Variants in NOSIP observed in about 807,000 individuals in gnomAD.
NOSIP encodes nitric oxide synthase interacting protein, also known as nitric oxide synthase-interacting protein.
NOSIP carries 25 observed loss-of-function variants against 36.4 expected under a neutral mutation model. That is an observed-to-expected ratio of 0.69 (90% CI 0.50 to 0.96). The LOEUF is 0.96. Ranked by LOEUF, NOSIP falls within the 40% of genes least tolerant of loss-of-function variation. The pLI is 0.00. For missense variants in NOSIP, 370 were observed against 429.0 expected (o/e 0.86, Z 1.21); for synonymous variants, 187 against 179.2 (o/e 1.04, Z -0.35).
chr19:49,557,232 C>T lies in NOSIP; in HGVS notation c.276G>A (p.Arg92=). Residue 92 remains arginine (R), a synonymous_variant, in exon 5 of 9, where the codon CGG becomes CGA. Transcript: ENST00000596358. ...ARQMKAYEKQ[R]GTRREEQKEL... is the part of the protein sequence containing the mutation. Reference sequence around the variant, plus strand: ...CCTTCTGCTCCTCGCGCCGGGTGCCCCGCTGCTTCTCGTAGGCCTGCGTCG... The same window carrying T: ...CCTTCTGCTCCTCGCGCCGGGTGCCTCGCTGCTTCTCGTAGGCCTGCGTCG... The T allele has an allele frequency of 6.3e-7, 1 of 1,591,702 alleles. No individual in the cohort carries two copies. Among genetic ancestry groups the T allele is most frequent in the Non-Finnish European group, 8.5e-7 (1 of 1,169,990 alleles).
At chr19:49,573,904 G>T (rs1327550529) in intron 1 of NOSIP, among the ~76,000 whole-genome samples, 1 of 149,502 alleles carries the variant, frequency 6.7e-6, no homozygotes, top group East Asian at 1.9e-4. Flanking sequence ...CTGTCACCCG[G>T]ACTGGAGTGC....
rs768200508 is a variant in NOSIP, at chr19:49,556,991, C to G, written c.421G>C (p.Asp141His). 1.2e-6 allele frequency: 2 copies of G among 1,606,844 alleles called. No homozygotes were observed. The highest frequency in any genetic ancestry group is 2.2e-5 in the South Asian group (2 of 90,166). Reference protein sequence around the residue: ...AKALSGTSPDDVQPGPSVGPP... With the variant: ...AKALSGTSPDHVQPGPSVGPP... ...CCCACACTGGGCCCAGGTTGGACATCATCTGTGGGGGAAGGAAGGGACTCA... is the reference window on the plus strand; with the variant it reads ...CCCACACTGGGCCCAGGTTGGACATGATCTGTGGGGGAAGGAAGGGACTCA... Residue 141 changes from aspartate to histidine, a missense_variant and splice_region_variant, in exon 6 of 9, where the codon GAT becomes CAT. By Grantham distance (81) the Asp-to-His change is moderately conservative. Coordinates refer to ENST00000596358, the MANE Select transcript of NOSIP (RefSeq NM_001270960.2).
chr19:49,564,078 T>C (rs77104982), intron 1 of NOSIP, among the ~76,000 whole-genome samples: 2,926 of 152,238 alleles, frequency 0.019, 93 homozygotes, highest in African/African-American at 0.067. Context: ...CCATGAGGTG[T>C]GACACTGCAA....
At chr19:49,559,728 G>A in intron 3 of NOSIP, 1 of 590,756 alleles carries the variant, frequency 1.7e-6, no homozygotes, top group Non-Finnish European at 3.1e-6. Flanking sequence ...CCCATTAGAA[G>A]TATGTTCCTT....
At chr19:49,562,252 G>A (rs991375893) in intron 1 of NOSIP, among the ~76,000 whole-genome samples, 4 of 152,140 alleles carry the variant, frequency 2.6e-5, no homozygotes, top group African/African-American at 9.7e-5. Flanking sequence ...TTCCCAAATA[G>A]CAGGGATTAC....
chr19:49,572,326 C>T (rs2080495907), intron 1 of NOSIP, among the ~76,000 whole-genome samples: 3 of 149,690 alleles, frequency 2.0e-5, no homozygotes, highest in Admixed American at 6.7e-5. Context: ...AGGCTGGTCT[C>T]GAACTCCTGA....
Position 49,560,571 on chromosome 19 carries a change from G to A in NOSIP, c.70+51C>T. On this transcript the variant is annotated intron_variant, in intron 2 of 8. Coordinates refer to ENST00000596358, the MANE Select transcript of NOSIP (RefSeq NM_001270960.2). This position sits in a 1 kb window ranked among gnomAD's most constrained non-coding sequence, Gnocchi z 4.6. ...AAAACCTGGGGCACGAGGGGAGAGG[G>A]TGACTCCAAGACACAGCCATGTCCC... is the stretch of plus-strand genomic sequence containing the variant. The A allele has an allele frequency of 7.0e-7, 1 of 1,425,700 alleles. No individual in the cohort carries two copies. The highest frequency in any genetic ancestry group is 9.7e-7 in the Non-Finnish European group (1 of 1,031,122). The allele number at this position is 1,425,700 out of a possible 1,614,324, so 88.3% of individuals were successfully genotyped here. A position where few individuals can be genotyped will look rare whatever the true frequency, so the allele number is the denominator to read the frequency against.
intron 1 of NOSIP, among the ~76,000 whole-genome samples, chr19:49,564,327 G>A (rs993931283): frequency 2.0e-5 from 3 of 151,670 alleles, no homozygotes; most frequent in African/African-American, 7.3e-5. Context: ...GGTGGTGTGC[G>A]CCTGTAATCC....
intron 1 of NOSIP, among the ~76,000 whole-genome samples, chr19:49,572,675 AAT>A (rs10544127): frequency 1 from 149,785 of 149,982 alleles, 74,794 homozygotes; most frequent in Admixed American, 1. Context: ...GATACTTTAA[AAT>A]ATATATATAT....
chr19:49,570,779 G>C (rs1316475319), intron 1 of NOSIP, among the ~76,000 whole-genome samples: 1 of 151,932 alleles, frequency 6.6e-6, no homozygotes, highest in Non-Finnish European at 1.5e-5. Context: ...ACCTTTTCAT[G>C]GACACATTCC....
rs1313492974 is a variant in NOSIP at position 49,560,225 on chromosome 19, A to G, written c.71-186T>C. On this transcript the variant is annotated intron_variant, in intron 2 of 8. Coordinates refer to ENST00000596358, the MANE Select transcript of NOSIP (RefSeq NM_001270960.2). The surrounding 1 kb of genome is among the most constrained non-coding windows in gnomAD (Gnocchi z 4.6). Reference sequence around the variant, plus strand: ...GGGCTGAACCCACAGGGAGTTGTCAACCCTGGAGGGTGAGAGGCAGACAGG... The same window carrying G: ...GGGCTGAACCCACAGGGAGTTGTCAGCCCTGGAGGGTGAGAGGCAGACAGG... The G allele has an allele frequency of 2.0e-5, 12 of 593,446 alleles. No individual in the cohort carries two copies. Among genetic ancestry groups the G allele is most frequent in the Non-Finnish European group, 3.0e-5 (10 of 332,528 alleles). The allele number at this position is 593,446 out of a possible 1,614,324, so 36.8% of individuals were successfully genotyped here. A position where few individuals can be genotyped will look rare whatever the true frequency, so the allele number is the denominator to read the frequency against.
chr19:49,556,825 G>A, intron 6 of NOSIP, 50 bp downstream of exon 6: 1 of 1,596,368 alleles, frequency 6.3e-7, no homozygotes, highest in Non-Finnish European at 8.6e-7. Flanking sequence ...GGACGGTGGG[G>A]AACCCTGGCG....
At chr19:49,556,849 C>T in intron 6 of NOSIP, 26 bp downstream of exon 6, 3 of 1,592,896 alleles carry the variant, frequency 1.9e-6, no homozygotes, top group East Asian at 4.5e-5. Context: ...TGGCACCGTG[C>T]GTGCCGGGGC....
intron 1 of NOSIP, among the ~76,000 whole-genome samples, chr19:49,569,318 T>C (rs2080454095): frequency 6.7e-6 from 1 of 150,216 alleles, no homozygotes; most frequent in Non-Finnish European, 1.5e-5. Flanking sequence ...CTCAGCCTCC[T>C]GAGTAGCTGG....
intron 1 of NOSIP, among the ~76,000 whole-genome samples, chr19:49,565,739 T>C (rs1599755919): frequency 2.0e-5 from 3 of 150,084 alleles, no homozygotes; most frequent in South Asian, 2.1e-4. Flanking sequence ...GCCTGGGCAA[T>C]AGAGTGAGAA....
chr19:49,572,710 A>T (rs1270659117), intron 1 of NOSIP, among the ~76,000 whole-genome samples: 1 of 151,896 alleles, frequency 6.6e-6, no homozygotes, highest in Non-Finnish European at 1.5e-5. Flanking sequence ...GCAGTGGCTC[A>T]CGCCTGTAAT....
In NOSIP at chr19:49,560,211, ACAGGGAGTTGTCAAC is replaced by A. The variant is rs1192494179; in HGVS notation, c.71-187_71-173del. 4 of 600,004 alleles carry A rather than the reference ACAGGGAGTTGTCAAC, an allele frequency of 6.7e-6. No homozygotes were observed. Among genetic ancestry groups the A allele is most frequent in the African/African-American group, 1.9e-5 (1 of 53,770 alleles). 37.2% of individuals were successfully genotyped at this position (600,004 alleles called of 1,614,324 possible). A position where few individuals can be genotyped will look rare whatever the true frequency, so the allele number is the denominator to read the frequency against. On this transcript the variant is annotated intron_variant, in intron 2 of 8. Transcript: ENST00000596358. The surrounding 1 kb of genome is among the most constrained non-coding windows in gnomAD (Gnocchi z 4.6). ...TGTGCTGGGGCCACGGGCTGAACCC[ACAGGGAGTTGTCAAC>A]CCTGGAGGGTGAGAGGCAGACAGGC...
At chr19:49,564,959 C>T (rs1400992413) in intron 1 of NOSIP, among the ~76,000 whole-genome samples, 1 of 152,118 alleles carries the variant, frequency 6.6e-6, no homozygotes, top group East Asian at 1.9e-4. Flanking sequence ...CGTTCAAAAA[C>T]TCACAAAGTA....
intron 1 of NOSIP, among the ~76,000 whole-genome samples, chr19:49,576,998 G>T (rs1322563998): frequency 2.0e-5 from 3 of 151,928 alleles, no homozygotes; most frequent in African/African-American, 7.3e-5. Context: ...ATTTGAAAAT[G>T]GGTAAAGGAT....
Sources: gnomAD v4.1 joint callset for allele counts (sites outside exome capture counted in the v4.1 genomes callset) on GRCh38, gnomAD v4.1.1 for gene constraint, Gnocchi (gnomAD v3.1) non-coding constraint, MANE v1.5 for transcripts, NCBI Gene and HGNC (gene_info 2026-07-23, HGNC 2026-07-21) for gene names.